The following KAT6A variants were observed in gnomAD, a reference collection of about 807,000 sequenced individuals.
KAT6A encodes the protein lysine acetyltransferase 6A.
Under a neutral mutation model 198.4 loss-of-function variants are expected in KAT6A, and 9 were observed. The observed-to-expected ratio is 0.05, with a 90% CI of 0.03 to 0.08. The LOEUF (loss-of-function observed/expected upper bound fraction) is 0.08, where lower values mean the gene tolerates loss of function less well. KAT6A is among the 10% of genes least tolerant of loss of function. The pLI is 1.00. For missense variants in KAT6A, 2,077 were observed against 2,509.9 expected (o/e 0.83, Z 3.69); for synonymous variants, 890 against 883.0 (o/e 1.01, Z -0.14).
In KAT6A at chr8:41,932,175, T is replaced by C. The variant is rs974454875; in HGVS notation, c.*30A>G. On this transcript the variant is annotated 3_prime_UTR_variant, in exon 17 of 17. Coordinates refer to ENST00000265713, the MANE Select transcript of KAT6A (RefSeq NM_006766.5). Reference sequence around the variant, plus strand: ...TAAAAGGTTCCTTTATTTATATATATTTAAGTTTTTGATTGCAAGTTCATC... The same window carrying C: ...TAAAAGGTTCCTTTATTTATATATACTTAAGTTTTTGATTGCAAGTTCATC... 9 of 1,506,668 alleles carry C rather than the reference T, an allele frequency of 6.0e-6. No homozygotes were observed. The Admixed American group carries it at 1.3e-4, about 22-fold the overall frequency. 93.3% of individuals were successfully genotyped at this position (1,506,668 alleles called of 1,614,324 possible).
Position 41,932,876 on chromosome 8 carries a change from T to C in KAT6A, c.5344A>G (p.Thr1782Ala). 1 of 1,614,056 alleles carries C rather than the reference T, an allele frequency of 6.2e-7. No individual in the cohort carries two copies. The highest frequency in any genetic ancestry group is 8.5e-7 in the Non-Finnish European group (1 of 1,180,010). ...SHSPAVTSYA[T>A]SVSLSNTGLA... ...CCTGTATTGGACAGAGAAACACTGG[T>C]TGCATAGGAAGTCACAGCAGGAGAA... Residue 1782 changes from threonine (T) to alanine (A), a missense_variant, in exon 17 of 17, where the codon ACC becomes GCC. This residue lies in a region of KAT6A where 500 missense variants were observed against 577.2 expected (regional missense o/e 0.87). Transcript: ENST00000265713.
At chr8:41,995,358 G>T (rs1399486370) in intron 2 of KAT6A, among the ~76,000 whole-genome samples, 1 of 152,084 alleles carries the variant, frequency 6.6e-6, no homozygotes, top group African/African-American at 2.4e-5. Context: ...TGAGGCAGAG[G>T]GCACCAATAT....
intron 15 of KAT6A, among the ~76,000 whole-genome samples, chr8:41,937,944 T>C (rs1416325920): frequency 6.6e-6 from 1 of 152,224 alleles, no homozygotes; most frequent in Non-Finnish European, 1.5e-5. Context: ...AAAAACACTT[T>C]GTCTTATAGC....
intron 16 of KAT6A, 149 bp from the exon 17 acceptor site, chr8:41,935,016 C>A: frequency 1.4e-6 from 1 of 692,442 alleles, no homozygotes; most frequent in Non-Finnish European, 2.4e-6. Context: ...AGTTAAGAAC[C>A]TAGAGGATAA....
chr8:42,015,094 A>G (rs1399905140), intron 2 of KAT6A, among the ~76,000 whole-genome samples: 1 of 152,240 alleles, frequency 6.6e-6, no homozygotes, highest in Non-Finnish European at 1.5e-5. Context: ...GGAGAACAAT[A>G]TAACAGAGTA....
chr8:41,959,798 A>G lies in KAT6A; in HGVS notation c.1483-4387T>C, dbSNP rs147380924. Among the ~76,000 whole-genome samples, 591 of 152,256 alleles carry G rather than the reference A, an allele frequency of 3.9e-3. 4 individuals are homozygous for G. Among genetic ancestry groups the G allele is most frequent in the African/African-American group, 0.013 (556 of 41,546 alleles). On this transcript the variant is annotated intron_variant, in intron 8 of 16. Coordinates refer to ENST00000265713, the MANE Select transcript of KAT6A (RefSeq NM_006766.5). Reference sequence around the variant, plus strand: ...GTGGTGAAACCCCGTCTCTACTAAAAATACAATAATTAGCTGGGTGTATGG... The same window carrying G: ...GTGGTGAAACCCCGTCTCTACTAAAGATACAATAATTAGCTGGGTGTATGG...
At chr8:41,946,304 T>C (rs1463538886) in intron 12 of KAT6A, among the ~76,000 whole-genome samples, 3 of 152,028 alleles carry the variant, frequency 2.0e-5, no homozygotes, top group African/African-American at 4.8e-5. Context: ...GGTCTTGCCA[T>C]GTTGCCTAAG....
At chr8:41,957,100 C>CTCT (rs1305613214) in intron 8 of KAT6A, 1 of 605,016 alleles carries the variant, frequency 1.7e-6, no homozygotes, top group South Asian at 1.4e-5. Context: ...CTGCCCGCTG[C>CTCT]TCTTCTAGGC....
In KAT6A at chr8:42,048,608, A is replaced by G. The variant is rs1378884152; in HGVS notation, c.370T>C (p.Phe124Leu). ...GGSTLKSIERFLKGQKDVSAL... is the reference protein window; with the variant it reads ...GGSTLKSIERLLKGQKDVSAL... ...GACACATCCTTCTGACCTTTCAAAAAACGTTCAATGCTTTTCAAAGTTGAG... is the reference window on the plus strand; with the variant it reads ...GACACATCCTTCTGACCTTTCAAAAGACGTTCAATGCTTTTCAAAGTTGAG... The change falls in exon 2 of 17, where the codon TTT becomes CTT. Residue 124 changes from phenylalanine to leucine, a missense_variant. Around this residue, in one of 13 missense-constraint regions of KAT6A, gnomAD observed 185 missense variants for 185.7 expected, o/e 1.00. Coordinates refer to ENST00000265713, the MANE Select transcript of KAT6A (RefSeq NM_006766.5). The G allele has an allele frequency of 1.2e-6, 2 of 1,614,116 alleles. No individual in the cohort carries two copies.
At chr8:41,950,070 T>C (rs1333674777) in intron 9 of KAT6A, among the ~76,000 whole-genome samples, 1 of 152,214 alleles carries the variant, frequency 6.6e-6, no homozygotes, top group East Asian at 1.9e-4. Context: ...AATTATATTA[T>C]TAGTACAACC....
chr8:41,998,153 T>C (rs757347075), intron 2 of KAT6A, among the ~76,000 whole-genome samples: 2 of 152,156 alleles, frequency 1.3e-5, no homozygotes, highest in Non-Finnish European at 2.9e-5. Context: ...GTACTCACAT[T>C]TTCAAAGCAC....
chr8:41,978,644 C>G lies in KAT6A; in HGVS notation c.1041G>C (p.Thr347=). ...RPKNRLKKQN[T]VSKGPFSKVR... ...ACCTTGCCACAAGTACAACTTACAC[C>G]GTGTTTTGTTTCTTTAACCTGTTTT... Residue 347 remains threonine (T), a splice_region_variant and synonymous_variant, in exon 6 of 17, where the codon ACG becomes ACC. Coordinates refer to ENST00000265713, the MANE Select transcript of KAT6A (RefSeq NM_006766.5). 1 of 1,613,874 alleles carries G rather than the reference C, an allele frequency of 6.2e-7. No individual in the cohort carries two copies. The highest frequency in any genetic ancestry group is 8.5e-7 in the Non-Finnish European group (1 of 1,179,882).
intron 2 of KAT6A, among the ~76,000 whole-genome samples, chr8:42,006,732 A>T (rs1825768352): frequency 6.6e-6 from 1 of 152,182 alleles, no homozygotes; most frequent in Non-Finnish European, 1.5e-5. Flanking sequence ...GCACAGTGTC[A>T]TGCCTGTAAT....
chr8:41,993,344 A>G (rs1024733875), intron 2 of KAT6A, among the ~76,000 whole-genome samples: 20 of 152,226 alleles, frequency 1.3e-4, no homozygotes, highest in African/African-American at 4.8e-4. Context: ...ATTAGTCCCA[A>G]TAATGACAAG....
rs367773799 is a variant in KAT6A at position 42,048,871 on chromosome 8, A to G, written c.107T>C (p.Val36Ala). Residue 36 changes from valine (V) to alanine (A), a missense_variant, in exon 2 of 17, where the codon GTG becomes GCG. Physicochemically the swap from Val to Ala is moderately conservative, Grantham distance 64 (BLOSUM62 0). Coordinates refer to ENST00000265713, the MANE Select transcript of KAT6A (RefSeq NM_006766.5). ...ACGATCCAAGCCATGGGATGAAGAC[A>G]CAGCATTGCATATCCTTTCTTCTGA... Reference protein sequence around the residue: ...RPSEERICNAVSSSHGLDRKT... With the variant: ...RPSEERICNAASSSHGLDRKT... 1.1e-5 allele frequency: 17 copies of G among 1,614,216 alleles called. No homozygotes were observed. The highest frequency in any genetic ancestry group is 1.4e-5 in the Non-Finnish European group (17 of 1,180,042).
chr8:42,039,798 A>G (rs1328546328), intron 2 of KAT6A, among the ~76,000 whole-genome samples: 2 of 151,936 alleles, frequency 1.3e-5, no homozygotes, highest in Non-Finnish European at 2.9e-5. Context: ...CAGTAGCGCA[A>G]TCTCGGCTCA....
intron 2 of KAT6A, among the ~76,000 whole-genome samples, chr8:42,018,073 T>C (rs892948332): frequency 2.0e-5 from 3 of 152,222 alleles, no homozygotes; most frequent in South Asian, 4.1e-4. Flanking sequence ...AATTACTTTA[T>C]ATTTTTTGCT....
At chr8:41,953,086 C>A (rs905620702) in intron 9 of KAT6A, among the ~76,000 whole-genome samples, 1 of 152,138 alleles carries the variant, frequency 6.6e-6, no homozygotes, top group Admixed American at 6.5e-5. Flanking sequence ...ATTATTTATT[C>A]TTTCACTGAT....
At chr8:41,950,753 T>C (rs1334178692) in intron 9 of KAT6A, among the ~76,000 whole-genome samples, 1 of 152,220 alleles carries the variant, frequency 6.6e-6, no homozygotes, top group Non-Finnish European at 1.5e-5. Flanking sequence ...AATCCAACTG[T>C]TAGGTCTCAG....
Sources: allele counts gnomAD v4.1 joint callset (sites outside exome capture counted in the v4.1 genomes callset), GRCh38; gene constraint gnomAD v4.1.1; regional missense constraint gnomAD v4.1.1; transcripts MANE v1.5; gene names NCBI Gene and HGNC (gene_info 2026-07-23, HGNC 2026-07-21).